GTPBP1: variants seen among roughly 807,000 people sequenced by gnomAD.
GTPBP1 encodes GTP binding protein 1, also known as GTP-binding protein 1.
In GTPBP1, 23 loss-of-function variants were observed where a neutral mutation model predicts 62.0. That is an observed-to-expected ratio of 0.37 (90% CI 0.27 to 0.53). GTPBP1 has a LOEUF of 0.53. Ranked by LOEUF, GTPBP1 falls within the 20% of genes least tolerant of loss-of-function variation. The pLI is 0.89. For synonymous variants in GTPBP1, 344 were observed against 364.4 expected (o/e 0.94, Z 0.64); for missense variants, 640 against 917.3 (o/e 0.70, Z 3.90).
Position 38,706,019 on chromosome 22 carries a change from G to A in GTPBP1, c.64G>A (p.Glu22Lys). Reference sequence around the variant, plus strand: ...GGTCCCGGCCTCTATGTTCGCCCCCGAGCCCAGCTCCCCGGGGGCGGCCAG... The same window carrying A: ...GGTCCCGGCCTCTATGTTCGCCCCCAAGCCCAGCTCCCCGGGGGCGGCCAG... Reference protein sequence around the residue: ...SPVPASMFAPEPSSPGAARAA... With the variant: ...SPVPASMFAPKPSSPGAARAA... The change falls in exon 1 of 12, where the codon GAG (glutamate) becomes AAG (lysine). Residue 22 changes from glutamate (E) to lysine (K), a missense_variant. By Grantham distance (56) the Glu-to-Lys change is moderately conservative. Transcript: ENST00000216044. 7.0e-7 allele frequency: 1 copy of A among 1,434,882 alleles called. No homozygotes were observed. The highest frequency in any genetic ancestry group is 9.1e-7 in the Non-Finnish European group (1 of 1,094,408). 88.9% of individuals were successfully genotyped at this position (1,434,882 alleles called of 1,614,324 possible).
In GTPBP1 at chr22:38,726,405, C is replaced by T. The variant is rs150503438; in HGVS notation, c.1366C>T (p.Arg456Trp). 1.2e-6 allele frequency: 2 copies of T among 1,613,770 alleles called. No homozygotes were observed. Among genetic ancestry groups the T allele is most frequent in the Non-Finnish European group, 1.7e-6 (2 of 1,179,938 alleles). Reference protein sequence around the residue: ...HRKRMPVKEVRGGQTASFALK... With the variant: ...HRKRMPVKEVWGGQTASFALK... ...CAAGCGCATGCCTGTCAAGGAGGTGCGGGGTGGCCAGACAGCATCCTTTGC... is the reference window on the plus strand; with the variant it reads ...CAAGCGCATGCCTGTCAAGGAGGTGTGGGGTGGCCAGACAGCATCCTTTGC... The change falls in exon 8 of 12, where the codon CGG becomes TGG. Residue 456 changes from arginine to tryptophan, a missense_variant. Physicochemically the swap from Arg to Trp is moderately radical, Grantham distance 101. Around this residue, in one of 4 missense-constraint regions of GTPBP1, gnomAD observed 220 missense variants for 358.1 expected, o/e 0.61. Coordinates refer to ENST00000216044, the MANE Select transcript of GTPBP1 (RefSeq NM_004286.5). The surrounding 1 kb of genome is among the most constrained non-coding windows in gnomAD (Gnocchi z 4.1).
In GTPBP1 at chr22:38,713,126, T is replaced by C. The variant is rs191158259; in HGVS notation, c.305-2781T>C. 1.8e-3 allele frequency among the ~76,000 whole-genome samples: 272 copies of C among 152,222 alleles called. 1 individual carries two copies. Among genetic ancestry groups the C allele is most frequent in the Non-Finnish European group, 2.9e-3 (194 of 68,016 alleles). ...AGGATTTTGCTAGGAGGAGGTGCGCTGTTGGGCTTTCAGGATAGGAAATCC... is the reference window on the plus strand; with the variant it reads ...AGGATTTTGCTAGGAGGAGGTGCGCCGTTGGGCTTTCAGGATAGGAAATCC... On this transcript the variant is annotated intron_variant, in intron 2 of 11. Transcript: ENST00000216044.
intron 1 of GTPBP1, 28 bp from the exon 2 acceptor site, chr22:38,708,817 G>T (rs1265194578): frequency 8.1e-7 from 1 of 1,235,444 alleles, no homozygotes; most frequent in Non-Finnish European, 1.2e-6. Context: ...AGCAAGTGTG[G>T]TCCTAAGGCT....
chr22:38,740,563 A>T (rs2092847940), downstream of GTPBP1: 3 of 995,884 alleles, frequency 3.0e-6, no homozygotes, highest in East Asian at 5.8e-5. This position sits in a 1 kb window ranked among gnomAD's most constrained non-coding sequence, Gnocchi z 4.8. Flanking sequence ...TGTGAACCTG[A>T]GAAGGGGCAA....
chr22:38,713,779 G>A (rs1372293864), intron 2 of GTPBP1, among the ~76,000 whole-genome samples: 1 of 152,174 alleles, frequency 6.6e-6, no homozygotes, highest in Non-Finnish European at 1.5e-5. Flanking sequence ...TATTAACATT[G>A]TTAGTGTCTG....
At position 38,731,010 on chromosome 22, in the gene GTPBP1, T is replaced by TTGTTTGTGTG. The variant is rs577081672; in HGVS notation, c.*309_*310insTTGTGTGTGT. On this transcript the variant is annotated 3_prime_UTR_variant, in exon 12 of 12. Coordinates refer to ENST00000216044, the MANE Select transcript of GTPBP1 (RefSeq NM_004286.5). Reference sequence around the variant, plus strand: ...TATTATATGTCTCTGTCTCTCTCTATTGTGTGTGTGTGTGTGTGTGTGTGT... The same window carrying TTGTTTGTGTG: ...TATTATATGTCTCTGTCTCTCTCTATTGTTTGTGTGTGTGTGTGTGTGTGTGTGTGTGTGT... 1.1e-3 allele frequency: 195 copies of TTGTTTGTGTG among 183,762 alleles called. 1 individual carries two copies. The highest frequency in any genetic ancestry group is 5.1e-3 in the African/African-American group (188 of 37,078). The allele number at this position is 183,762 out of a possible 1,614,324, so 11.4% of individuals were successfully genotyped here. A position where few individuals can be genotyped will look rare whatever the true frequency, so the allele number is the denominator to read the frequency against.
chr22:38,724,176 C>T (rs955054003), intron 5 of GTPBP1, 121 bp from the exon 6 acceptor site: 2 of 665,518 alleles, frequency 3.0e-6, no homozygotes, highest in Admixed American at 2.3e-5. Flanking sequence ...GCATTTAACA[C>T]TGGTCCATCT....
chr22:38,739,372 C>T (rs758076166), downstream of GTPBP1: 7 of 1,613,128 alleles, frequency 4.3e-6, no homozygotes, highest in Non-Finnish European at 5.1e-6. This position sits in a 1 kb window ranked among gnomAD's most constrained non-coding sequence, Gnocchi z 6.7. Context: ...TCTGCCAGCC[C>T]GATGCGGTCC....
At chr22:38,740,296 G>A (rs1308199788), downstream of GTPBP1, 1 of 1,602,556 alleles carries the variant, frequency 6.2e-7, no homozygotes, top group Non-Finnish European at 8.5e-7. This position sits in a 1 kb window ranked among gnomAD's most constrained non-coding sequence, Gnocchi z 4.8. Context: ...ATCTGCTGGG[G>A]CAGCAGGCCC....
chr22:38,713,463 T>C (rs1418438827), intron 2 of GTPBP1, among the ~76,000 whole-genome samples: 1 of 152,120 alleles, frequency 6.6e-6, no homozygotes, highest in African/African-American at 2.4e-5. Context: ...AATAACAGCC[T>C]GAATCAGGCT....
downstream of GTPBP1, chr22:38,734,995 C>T (rs1424806123): frequency 6.6e-6 from 2 of 304,888 alleles, no homozygotes; most frequent in Non-Finnish European, 1.3e-5. Context: ...GAACCAGTGC[C>T]CCAGGCCCCT....
In GTPBP1 at chr22:38,731,078, G is replaced by T. The variant is rs2092757405; in HGVS notation, c.*374G>T. ...GCAGGAGTGCCACCCCCAGGGCCCTGTCAACCTCTCTTTTCTCCTCCATGG... is the reference window on the plus strand; with the variant it reads ...GCAGGAGTGCCACCCCCAGGGCCCTTTCAACCTCTCTTTTCTCCTCCATGG... On this transcript the variant is annotated 3_prime_UTR_variant, in exon 12 of 12. Transcript: ENST00000216044. The T allele has an allele frequency of 6.0e-6, 1 of 166,578 alleles. No homozygotes were observed. Among genetic ancestry groups the T allele is most frequent in the African/African-American group, 2.5e-5 (1 of 40,502 alleles). The allele number at this position is 166,578 out of a possible 1,614,324, so 10.3% of individuals were successfully genotyped here.
chr22:38,720,083 G>T (rs944674535), intron 4 of GTPBP1, among the ~76,000 whole-genome samples: 1 of 149,194 alleles, frequency 6.7e-6, no homozygotes, highest in African/African-American at 2.5e-5. Context: ...CGCCCGCCAC[G>T]ATGCCCAGCT....
intron 2 of GTPBP1, among the ~76,000 whole-genome samples, chr22:38,711,954 C>A (rs2025433370): frequency 6.6e-6 from 1 of 152,124 alleles, no homozygotes; most frequent in South Asian, 2.1e-4. Context: ...GATCTCGGCT[C>A]ACTGCAACCT....
intron 2 of GTPBP1, among the ~76,000 whole-genome samples, chr22:38,713,496 G>A (rs996545001): frequency 1.3e-5 from 2 of 152,156 alleles, no homozygotes; most frequent in East Asian, 3.8e-4. Flanking sequence ...TTGGCAAAAA[G>A]GGCAGACATC....
Position 38,710,755 on chromosome 22 carries a change from C to T in GTPBP1, c.304+1799C>T, listed in dbSNP as rs1603169882. On this transcript the variant is annotated intron_variant, in intron 2 of 11. Transcript: ENST00000216044. ...CTTAATAATTGTAGAATTTCAGGAA[C>T]CACATATAGGTCAATTTTGACAAGT... Among the ~76,000 whole-genome samples the T allele has an allele frequency of 6.6e-5, 10 of 152,264 alleles. 1 individual carries two copies. The South Asian group carries it at 2.1e-3, about 32-fold the overall frequency.
At chr22:38,714,305 C>A (rs555152014) in intron 2 of GTPBP1, among the ~76,000 whole-genome samples, 5 of 152,044 alleles carry the variant, frequency 3.3e-5, no homozygotes, top group African/African-American at 1.2e-4. Flanking sequence ...ATGGTGAAAC[C>A]CCGTCTCTAC....
At position 38,729,479 on chromosome 22, in the gene GTPBP1, C is replaced by A. The variant is rs764563424; in HGVS notation, c.1734C>A (p.Asn578Lys). 5 of 1,606,588 alleles carry A rather than the reference C, an allele frequency of 3.1e-6. No individual in the cohort carries two copies. The highest frequency in any genetic ancestry group is 8.5e-7 in the Non-Finnish European group (1 of 1,176,812). The stretch of plus-strand genomic sequence containing the variant: ...TCCCACAGCTCCTCCAGACCACCAA[C>A]AACTCCCCAATGAACTCCAAGCCGC... ...GTITKLLQTT[N>K]NSPMNSKPQQ... The change falls in exon 11 of 12, where the codon AAC becomes AAA. Residue 578 changes from asparagine to lysine, a missense_variant. Asn to Lys is a moderately conservative substitution (Grantham distance 94, BLOSUM62 0). This residue lies in a region of GTPBP1 where 220 missense variants were observed against 358.1 expected (regional missense o/e 0.61). Transcript: ENST00000216044.
chr22:38,740,182 A>G, downstream of GTPBP1: 1 of 1,431,242 alleles, frequency 7.0e-7, no homozygotes, highest in Non-Finnish European at 9.2e-7. The surrounding 1 kb of genome is among the most constrained non-coding windows in gnomAD (Gnocchi z 4.8). Flanking sequence ...TGCAGGGGCA[A>G]GGGGTGCTGC....
Sources: allele counts gnomAD v4.1 joint callset (sites outside exome capture counted in the v4.1 genomes callset), GRCh38; gene constraint gnomAD v4.1.1; regional missense constraint gnomAD v4.1.1; non-coding constraint Gnocchi (gnomAD v3.1); transcripts MANE v1.5; gene names NCBI Gene and HGNC (gene_info 2026-07-23, HGNC 2026-07-21).